The following ATP2B2 variants were observed in gnomAD, a reference collection of about 807,000 sequenced individuals.
ATP2B2 encodes the protein ATPase plasma membrane Ca2+ transporting 2.
In ATP2B2, 15 loss-of-function variants were observed where a neutral mutation model predicts 120.0. That is an observed-to-expected ratio of 0.12 (90% CI 0.08 to 0.19). ATP2B2 has a LOEUF of 0.19. Among genes scored for constraint, ATP2B2 ranks in the 10% least tolerant of loss-of-function variants. The pLI, the probability that ATP2B2 is intolerant of heterozygous loss-of-function variation, is 1.00. For synonymous variants in ATP2B2, 694 were observed against 700.3 expected (o/e 0.99, Z 0.14); for missense variants, 1,045 against 1,719.8 (o/e 0.61, Z 6.94).
At chr3:10,585,638 C>T (rs867524276) in intron 2 of ATP2B2, among the ~76,000 whole-genome samples, 7 of 151,728 alleles carry the variant, frequency 4.6e-5, no homozygotes, top group African/African-American at 1.7e-4. Context: ...GTCTCACCAA[C>T]ATGCAAGTTT....
In ATP2B2 at chr3:10,397,214, C is replaced by A. The variant is rs539263069; in HGVS notation, c.781+3739G>T. 4.1e-4 allele frequency among the ~76,000 whole-genome samples: 62 copies of A among 152,290 alleles called. 1 individual carries two copies. Among genetic ancestry groups the A allele is most frequent in the Admixed American group, 1.8e-3 (28 of 15,298 alleles). On this transcript the variant is annotated intron_variant, in intron 5 of 22. Transcript: ENST00000360273. Reference sequence around the variant, plus strand: ...GGGCCCAGGGGTGAGCTGGGCACAACCTCCTGAGAGCTTCCAGTTCAGAGC... The same window carrying A: ...GGGCCCAGGGGTGAGCTGGGCACAAACTCCTGAGAGCTTCCAGTTCAGAGC...
At chr3:10,464,928 C>A (rs904724864) in intron 1 of ATP2B2, among the ~76,000 whole-genome samples, 3 of 152,238 alleles carry the variant, frequency 2.0e-5, no homozygotes, top group African/African-American at 7.2e-5. Flanking sequence ...AGTCAGAGGA[C>A]TCACCTTCCT....
At chr3:10,587,902 G>A (rs1329852647) in intron 2 of ATP2B2, among the ~76,000 whole-genome samples, 1 of 152,102 alleles carries the variant, frequency 6.6e-6, no homozygotes, top group Admixed American at 6.6e-5. Flanking sequence ...TCTTCCTAAT[G>A]TTATTCTGAG....
rs1285723477 is a variant in ATP2B2 at position 10,680,507 on chromosome 3, G to A, written c.-460+27408C>T. On this transcript the variant is annotated intron_variant, in intron 1 of 21. Coordinates refer to the ATP2B2 transcript ENST00000646379. ...CATGTCAGCTCTGGTCCTCACCAGT[G>A]GAGTGACCTTGGGCAGGCCATCGTG... 2.0e-5 allele frequency among the ~76,000 whole-genome samples: 3 copies of A among 152,102 alleles called. No individual in the cohort carries two copies. In the South Asian group the frequency reaches 6.2e-4, roughly 32 times the overall value.
intron 9 of ATP2B2, among the ~76,000 whole-genome samples, chr3:10,378,865 G>A (rs113412136): frequency 4.9e-4 from 75 of 152,210 alleles, no homozygotes; most frequent in African/African-American, 1.8e-3. Flanking sequence ...AGCCATGGGA[G>A]CCAAGTCACT....
chr3:10,374,127 G>A (rs965520790), intron 11 of ATP2B2, among the ~76,000 whole-genome samples: 2 of 152,178 alleles, frequency 1.3e-5, no homozygotes, highest in Non-Finnish European at 2.9e-5. Context: ...TGCAGAAGGC[G>A]CAGAGGCCTA....
intron 14 of ATP2B2, among the ~76,000 whole-genome samples, chr3:10,352,554 C>T (rs147058666): frequency 1.3e-5 from 2 of 152,350 alleles, no homozygotes; most frequent in Middle Eastern, 6.8e-3. Context: ...GCAGGGCCAG[C>T]TGACCACCAG....
chr3:10,470,591 A>G (rs942799552), intron 1 of ATP2B2, among the ~76,000 whole-genome samples: 79 of 152,244 alleles, frequency 5.2e-4, no homozygotes, highest in Non-Finnish European at 2.4e-4. Context: ...AGGATGAGCT[A>G]AGCAATAGGT....
At position 10,358,751 on chromosome 3, in the gene ATP2B2, G is replaced by A. The variant is rs2060811315; in HGVS notation, c.2076C>T (p.Asp692=). The change falls in exon 14 of 23, where the codon GAC becomes GAT. Residue 692 remains aspartate (D), a synonymous_variant. Coordinates refer to ENST00000360273, the MANE Select transcript of ATP2B2 (RefSeq NM_001001331.4). The part of the protein sequence containing the change: ...SPEPDWDNEN[D]ILNELTCICV... ...AGATGCAGGTGAGTTCGTTGAGGAT[G>A]TCATTCTCATTGTCCCAGTCCGGCT... 8 of 1,614,246 alleles carry A rather than the reference G, an allele frequency of 5.0e-6. No individual in the cohort carries two copies. In the East Asian group the frequency reaches 1.8e-4, roughly 36 times the overall value.
At chr3:10,504,622 C>G (rs2066536727) in intron 1 of ATP2B2, among the ~76,000 whole-genome samples, 2 of 151,626 alleles carry the variant, frequency 1.3e-5, no homozygotes, top group Non-Finnish European at 2.9e-5. Flanking sequence ...TGTGGAATAG[C>G]TACTTGGCTA....
chr3:10,644,994 T>C (rs982443494), intron 1 of ATP2B2, among the ~76,000 whole-genome samples: 1 of 152,370 alleles, frequency 6.6e-6, no homozygotes, highest in Admixed American at 6.5e-5. Context: ...GAATTCTCTC[T>C]TCTTAGGTAA....
intron 12 of ATP2B2, among the ~76,000 whole-genome samples, chr3:10,367,980 T>C (rs2061115449): frequency 6.6e-6 from 1 of 152,228 alleles, no homozygotes; most frequent in African/African-American, 2.4e-5. Flanking sequence ...GATATGAACC[T>C]GGTCTGTCGG....
At chr3:10,578,634 T>G (rs1182947455) in intron 2 of ATP2B2, among the ~76,000 whole-genome samples, 3 of 152,090 alleles carry the variant, frequency 2.0e-5, no homozygotes, top group African/African-American at 7.2e-5. Context: ...TAATTCACTA[T>G]AGCTTAAGAC....
intron 2 of ATP2B2, among the ~76,000 whole-genome samples, chr3:10,444,244 C>T (rs891226175): frequency 6.6e-6 from 1 of 152,206 alleles, no homozygotes. Context: ...CCCAGGCTTC[C>T]GCCGAGTCTG....
In ATP2B2 at chr3:10,547,466, A is replaced by C. The variant is rs1412374302; in HGVS notation, c.-414-13333T>G. On this transcript the variant is annotated intron_variant, in intron 2 of 21. Transcript: ENST00000646379. ...CTTAGAGAGAGGAAGTCGCTGGCCC[A>C]CGGTCACACCTTTCCTAACAACAGC... Among the ~76,000 whole-genome samples, 3 of 152,164 alleles carry C rather than the reference A, an allele frequency of 2.0e-5. No homozygotes were observed. The East Asian group carries it at 5.8e-4, about 29-fold the overall frequency.
At chr3:10,385,429 T>C (rs888150522) in intron 7 of ATP2B2, 102 bp from the exon 8 acceptor site, 4 of 1,003,206 alleles carry the variant, frequency 4.0e-6, no homozygotes, top group African/African-American at 3.3e-5. Flanking sequence ...ATGACTCTAT[T>C]CTTAAAAAAA....
At chr3:10,391,660 A>G (rs2061853945) in intron 5 of ATP2B2, among the ~76,000 whole-genome samples, 1 of 152,200 alleles carries the variant, frequency 6.6e-6, no homozygotes. Context: ...GGTGTCCTCC[A>G]GAGCTGAGCA....
chr3:10,340,111 C>T lies in ATP2B2; in HGVS notation c.3237+131G>A, dbSNP rs1287205319. 3 of 850,206 alleles carry T rather than the reference C, an allele frequency of 3.5e-6. No homozygotes were observed. In the East Asian group the frequency reaches 7.9e-5, roughly 22 times the overall value. The allele number at this position is 850,206 out of a possible 1,614,324, so 52.7% of individuals were successfully genotyped here. A position where few individuals can be genotyped will look rare whatever the true frequency, so the allele number is the denominator to read the frequency against. ...AGGACCTGGGACAAACCCCCTTGCT[C>T]AGATGTCCAGAGATAGGGAGGAGCT... On this transcript the variant is annotated intron_variant, in intron 21 of 22. Coordinates refer to ENST00000360273, the MANE Select transcript of ATP2B2 (RefSeq NM_001001331.4). The surrounding 1 kb of genome is among the most constrained non-coding windows in gnomAD (Gnocchi z 5.0).
intron 2 of ATP2B2, among the ~76,000 whole-genome samples, chr3:10,558,768 G>A (rs549551731): frequency 2.8e-4 from 38 of 137,774 alleles, no homozygotes; most frequent in Middle Eastern, 3.7e-3. Context: ...AAGAAAGAAC[G>A]GAACTCAGAA....
Sources: gnomAD v4.1 joint callset for allele counts (sites outside exome capture counted in the v4.1 genomes callset) on GRCh38, gnomAD v4.1.1 for gene constraint, Gnocchi (gnomAD v3.1) non-coding constraint, MANE v1.5 for transcripts, NCBI Gene and HGNC (gene_info 2026-07-23, HGNC 2026-07-21) for gene names.